Variants in KRT7 observed in about 807,000 individuals in gnomAD.
KRT7 encodes keratin, type II cytoskeletal 7.
KRT7 carries 50 observed loss-of-function variants against 42.8 expected under a neutral mutation model. The observed-to-expected ratio is 1.17, with a 90% CI of 0.93 to 1.48. The LOEUF (loss-of-function observed/expected upper bound fraction) is 1.48. Ranked by LOEUF, KRT7 falls within the 40% of genes most tolerant of loss-of-function variation. The pLI is 0.00. For synonymous variants in KRT7, 268 were observed against 266.3 expected (o/e 1.01, Z -0.06); for missense variants, 588 against 637.6 (o/e 0.92, Z 0.84).
chr12:52,247,541 T>G, intron 7 of KRT7: 1 of 152,780 alleles, frequency 6.5e-6, no homozygotes, highest in Non-Finnish European at 1.5e-5. Context: ...GGACTGTGAG[T>G]CACAAAACAA....
intron 5 of KRT7, among the ~76,000 whole-genome samples, chr12:52,242,156 A>G (rs1359250084): frequency 6.6e-6 from 1 of 152,006 alleles, no homozygotes; most frequent in African/African-American, 2.4e-5. Context: ...TATTTTGAGT[A>G]GAGACGAGGT....
intron 6 of KRT7, chr12:52,243,463 G>A (rs565532569): frequency 4.1e-4 from 108 of 264,620 alleles, no homozygotes; most frequent in African/African-American, 2.3e-3. Context: ...GTCCCTGGGA[G>A]CTCATCATTC....
Position 52,235,435 on chromosome 12 carries a change from G to C in KRT7, c.536+69G>C, listed in dbSNP as rs949891318. ...AATGTGACCCTCATGAGCTGACCCT[G>C]TGCAAGTCCCCCTGCTTCAGGAATC... On this transcript the variant is annotated intron_variant, in intron 2 of 8. Coordinates refer to ENST00000331817, the MANE Select transcript of KRT7 (RefSeq NM_005556.4). 8 of 1,348,720 alleles carry C rather than the reference G, an allele frequency of 5.9e-6. No individual in the cohort carries two copies. In the African/African-American group the frequency reaches 1.2e-4, roughly 20 times the overall value. The allele number at this position is 1,348,720 out of a possible 1,614,324, so 83.5% of individuals were successfully genotyped here. A position where few individuals can be genotyped will look rare whatever the true frequency, so the allele number is the denominator to read the frequency against.
chr12:52,238,854 CTG>C, intron 4 of KRT7, 79 bp downstream of exon 4: 2 of 902,768 alleles, frequency 2.2e-6, no homozygotes, highest in Non-Finnish European at 3.7e-6. Flanking sequence ...CCCCCCGCCT[CTG>C]TGTCAGTCCA....
chr12:52,248,246 C>G (rs1209721597), intron 8 of KRT7, 35 bp downstream of exon 8: 1 of 1,610,832 alleles, frequency 6.2e-7, no homozygotes, highest in Non-Finnish European at 8.5e-7. Flanking sequence ...GGAAGCATCC[C>G]TTGTGCTGTT....
chr12:52,238,548 G>A, intron 3 of KRT7, 132 bp from the exon 4 acceptor site: 2 of 655,696 alleles, frequency 3.1e-6, no homozygotes, highest in South Asian at 3.5e-5. Context: ...AGCAGCTGTA[G>A]AAACTGTTTC....
chr12:52,254,411 G>A (rs779712736), downstream of KRT7: 2 of 634,986 alleles, frequency 3.1e-6, no homozygotes, highest in Non-Finnish European at 6.0e-6. Flanking sequence ...AGACAATTCA[G>A]AACCCTTGTT....
At chr12:52,255,102 G>A (rs1277146256), downstream of KRT7, among the ~76,000 whole-genome samples, 1 of 152,230 alleles carries the variant, frequency 6.6e-6, no homozygotes, top group African/African-American at 2.4e-5. Flanking sequence ...TCAGATGGGG[G>A]AGAATATTGC....
At chr12:52,254,968 T>G (rs1180030734), downstream of KRT7, among the ~76,000 whole-genome samples, 1 of 152,236 alleles carries the variant, frequency 6.6e-6, no homozygotes, top group Non-Finnish European at 1.5e-5. Context: ...GTTGCTGGCC[T>G]GAGGATGCAG....
chr12:52,235,062 C>G lies in KRT7; in HGVS notation c.325-93C>G, dbSNP rs567984410. On this transcript the variant is annotated intron_variant, in intron 1 of 8. Transcript: ENST00000331817. ...AGGGAAACAGCCAGGGGGAGCATGGCTCTGCTAAGTGGCTAAAGATGATGT... is the reference window on the plus strand; with the variant it reads ...AGGGAAACAGCCAGGGGGAGCATGGGTCTGCTAAGTGGCTAAAGATGATGT... 1.3e-4 allele frequency: 153 copies of G among 1,200,592 alleles called. 1 individual carries two copies. The Middle Eastern group carries it at 2.2e-3, about 18-fold the overall frequency. The allele number at this position is 1,200,592 out of a possible 1,614,324, so 74.4% of individuals were successfully genotyped here.
Position 52,245,645 on chromosome 12 carries a change from A to T in KRT7, c.1205+13A>T. ...GCGAGGAGAGCCGGTGAGGACAAGG[A>T]ACCTGGAAAGGGGATGCTTCTAGGG... is the stretch of plus-strand genomic sequence containing the variant. On this transcript the variant is annotated intron_variant, in intron 7 of 8. Transcript: ENST00000331817. 6.2e-7 allele frequency: 1 copy of T among 1,613,038 alleles called. No individual in the cohort carries two copies. The highest frequency in any genetic ancestry group is 8.5e-7 in the Non-Finnish European group (1 of 1,179,978).
rs1269225897 is a variant in KRT7 at position 52,235,151 on chromosome 12, C to G, written c.325-4C>G. ...TTGAGTTTCCTCCTTCTCGCCCGTT[C>G]TAGGTGCGGTTTCTGGAGCAGCAGA... On this transcript the variant is annotated splice_polypyrimidine_tract_variant and splice_region_variant and intron_variant, in intron 1 of 8. Transcript: ENST00000331817. 6.2e-7 allele frequency: 1 copy of G among 1,613,934 alleles called. No individual in the cohort carries two copies.
chr12:52,234,116 T>A (rs1395044049), intron 1 of KRT7, among the ~76,000 whole-genome samples: 2 of 1,178 alleles, frequency 1.7e-3, no homozygotes, highest in Non-Finnish European at 3.6e-3. Context: ...CGGCAGTCGG[T>A]GGGGCGGGGG....
Position 52,248,614 on chromosome 12 carries a change from A to G in KRT7, c.1264A>G (p.Ser422Gly), listed in dbSNP as rs746602561. The G allele has an allele frequency of 1.9e-6, 3 of 1,596,378 alleles. No individual in the cohort carries two copies. The highest frequency in any genetic ancestry group is 2.6e-6 in the Non-Finnish European group (3 of 1,172,306). Residue 422 changes from serine (S) to glycine (G), a missense_variant, in exon 9 of 9, where the codon AGT becomes GGT. Physicochemically the swap from Ser to Gly is moderately conservative, Grantham distance 56 (BLOSUM62 0). Coordinates refer to ENST00000331817, the MANE Select transcript of KRT7 (RefSeq NM_005556.4). The stretch of plus-strand genomic sequence containing the variant: ...AGCTGTGATGAATTCCACTGGTGGC[A>G]GTAGCAGTGGCGGTGGCATTGGGCT... ...NISVMNSTGG[S>G]SSGGGIGLTL...
Position 52,237,511 on chromosome 12 carries a change from A to G in KRT7, c.539A>G (p.Tyr180Cys), listed in dbSNP as rs781263888. The change falls in exon 3 of 9, where the codon TAC (tyrosine) becomes TGC (cysteine). Residue 180 changes from tyrosine (Y) to cysteine (C), a missense_variant and splice_region_variant. Physicochemically the swap from Tyr to Cys is radical, Grantham distance 194 (BLOSUM62 -2). Coordinates refer to ENST00000331817, the MANE Select transcript of KRT7 (RefSeq NM_005556.4). ...QDVVEDFKNK[Y>C]EDEINHRTAA... is the part of the protein sequence containing the mutation. ...CACCAGGCCCTCCTCTACTGTAGGT[A>G]CGAAGATGAAATTAACCACCGCACA... The G allele has an allele frequency of 5.0e-6, 8 of 1,610,938 alleles. No individual in the cohort carries two copies. The highest frequency in any genetic ancestry group is 2.2e-5 in the South Asian group (2 of 90,716).
Position 52,235,361 on chromosome 12 carries a change from G to A in KRT7, c.531G>A (p.Lys177=), listed in dbSNP as rs772350401. The stretch of plus-strand genomic sequence containing the variant: ...TGCAGGATGTGGTGGAGGACTTCAA[G>A]AATAAGTAATGCCCCCTGTGCCACA... ...RSMQDVVEDF[K]NKYEDEINHR... Residue 177 remains lysine (K), a synonymous_variant, in exon 2 of 9, where the codon AAG becomes AAA. Coordinates refer to ENST00000331817, the MANE Select transcript of KRT7 (RefSeq NM_005556.4). 1.2e-6 allele frequency: 2 copies of A among 1,608,992 alleles called. No homozygotes were observed. Among genetic ancestry groups the A allele is most frequent in the Admixed American group, 3.3e-5 (2 of 59,896 alleles).
At chr12:52,252,009 A>C (rs1461483392), downstream of KRT7, 1 of 678,376 alleles carries the variant, frequency 1.5e-6, no homozygotes, top group Non-Finnish European at 2.7e-6. Flanking sequence ...TTCAGGACCC[A>C]CAAAATGGAT....
chr12:52,234,202 G>A (rs1219451185), intron 1 of KRT7, among the ~76,000 whole-genome samples: 1 of 151,918 alleles, frequency 6.6e-6, no homozygotes, highest in Non-Finnish European at 1.5e-5. Context: ...AGGAGGAGAG[G>A]TTATACCTGC....
chr12:52,234,459 C>T (rs1019753868), intron 1 of KRT7, among the ~76,000 whole-genome samples: 3 of 152,136 alleles, frequency 2.0e-5, no homozygotes, highest in Admixed American at 6.5e-5. Context: ...CTCCCACACC[C>T]GCCTCCCTCA....
Sources: allele counts gnomAD v4.1 joint callset (sites outside exome capture counted in the v4.1 genomes callset), GRCh38; gene constraint gnomAD v4.1.1; transcripts MANE v1.5; gene names NCBI Gene and HGNC (gene_info 2026-07-23, HGNC 2026-07-21).